TRAPPC9: variants seen among roughly 807,000 people sequenced by gnomAD.
TRAPPC9 encodes the protein trafficking protein particle complex subunit 9.
A neutral mutation model predicts 124.0 loss-of-function variants in TRAPPC9; 83 were observed. The observed-to-expected ratio is 0.67, with a 90% CI of 0.56 to 0.80. The LOEUF (loss-of-function observed/expected upper bound fraction) is 0.80, where lower values mean the gene tolerates loss of function less well. Among genes scored for constraint, TRAPPC9 ranks in the 30% least tolerant of loss-of-function variants. The pLI is 0.00. For missense variants in TRAPPC9, 1,302 were observed against 1,508.3 expected, an observed-to-expected ratio of 0.86 and a Z score of 2.27; for synonymous variants, 638 against 617.5, an observed-to-expected ratio of 1.03 and a Z score of -0.49.
chr8:139,797,532 T>C (rs1046890641), intron 21 of TRAPPC9, among the ~76,000 whole-genome samples: 1 of 152,184 alleles, frequency 6.6e-6, no homozygotes, highest in African/African-American at 2.4e-5. Context: ...AGTGCTGGGA[T>C]TACAGCCATG....
chr8:139,789,761 A>G (rs750749099), intron 21 of TRAPPC9, among the ~76,000 whole-genome samples: 1 of 151,950 alleles, frequency 6.6e-6, no homozygotes, highest in African/African-American at 2.4e-5. Flanking sequence ...GCCAGGTAGG[A>G]GGGAGGTGGT....
chr8:140,259,567 T>C (rs902201064), intron 15 of TRAPPC9, among the ~76,000 whole-genome samples: 4 of 152,360 alleles, frequency 2.6e-5, no homozygotes, highest in East Asian at 1.9e-4. Flanking sequence ...TGGGTCGTCA[T>C]GCAGAATCAA....
rs1050487198 is a variant in TRAPPC9 at position 139,762,111 on chromosome 8, C to A, written c.3056-29909G>T. Among the ~76,000 whole-genome samples the A allele has an allele frequency of 2.0e-5, 3 of 151,618 alleles. No individual in the cohort carries two copies. The South Asian group carries it at 6.2e-4, about 32-fold the overall frequency. ...CTCTGAGCCACCCAGCCCTGCAGCC[C>A]GAGTGAGGGCCTGCCACATGCTCAT... On this transcript the variant is annotated intron_variant, in intron 21 of 22. Transcript: ENST00000438773.
chr8:140,207,049 A>G (rs910708297), intron 17 of TRAPPC9, among the ~76,000 whole-genome samples: 2 of 152,228 alleles, frequency 1.3e-5, no homozygotes, highest in East Asian at 1.9e-4. Context: ...TGATGATGAG[A>G]CTGCACCTGG....
At chr8:139,868,689 C>G (rs868061974) in intron 21 of TRAPPC9, among the ~76,000 whole-genome samples, 2 of 152,202 alleles carry the variant, frequency 1.3e-5, no homozygotes, top group Admixed American at 1.3e-4. Flanking sequence ...ATAACACTAC[C>G]TACTCTGGAG....
At chr8:140,035,644 C>T (rs1049061181) in intron 17 of TRAPPC9, among the ~76,000 whole-genome samples, 4 of 152,134 alleles carry the variant, frequency 2.6e-5, no homozygotes, top group Non-Finnish European at 5.9e-5. Flanking sequence ...AGGTGAGGTA[C>T]GTTGCTCCAG....
intron 14 of TRAPPC9, among the ~76,000 whole-genome samples, chr8:140,280,258 G>A (rs1187804896): frequency 1.3e-5 from 2 of 152,208 alleles, no homozygotes; most frequent in Non-Finnish European, 2.9e-5. Context: ...GGGAAGTCCT[G>A]GTGGCAGGCT....
At chr8:140,194,740 T>C (rs1395577926) in intron 17 of TRAPPC9, among the ~76,000 whole-genome samples, 2 of 152,196 alleles carry the variant, frequency 1.3e-5, no homozygotes, top group African/African-American at 4.8e-5. Context: ...TGAGCATTTG[T>C]ATGCCTACAC....
At chr8:139,772,899 A>T (rs1326952511) in intron 21 of TRAPPC9, among the ~76,000 whole-genome samples, 1 of 152,252 alleles carries the variant, frequency 6.6e-6, no homozygotes, top group East Asian at 1.9e-4. Flanking sequence ...CAGGCCAAGG[A>T]GTGAGGCCTC....
intron 9 of TRAPPC9, among the ~76,000 whole-genome samples, chr8:140,356,620 CTTT>C (rs1184247581): frequency 7.0e-6 from 1 of 141,960 alleles, no homozygotes. Flanking sequence ...AAAGAATGTG[CTTT>C]TTTTTTTTTT....
chr8:140,223,223 A>G (rs1008191454), intron 16 of TRAPPC9, among the ~76,000 whole-genome samples: 28 of 152,014 alleles, frequency 1.8e-4, no homozygotes, highest in Non-Finnish European at 2.9e-4. Context: ...CCCTGTGTCC[A>G]TGTGTTCTCA....
intron 20 of TRAPPC9, among the ~76,000 whole-genome samples, chr8:139,888,809 G>A (rs946437058): frequency 2.6e-5 from 4 of 152,142 alleles, no homozygotes; most frequent in African/African-American, 7.2e-5. Context: ...CTGGAAGTTC[G>A]GATTCTAGCA....
At chr8:139,911,702 C>T (rs1341455597) in intron 19 of TRAPPC9, among the ~76,000 whole-genome samples, 23 of 149,010 alleles carry the variant, frequency 1.5e-4, no homozygotes, top group African/African-American at 4.2e-4. Flanking sequence ...GAGACTCTGT[C>T]TTAAAAGAAA....
At chr8:140,266,632 G>A (rs1267035674) in intron 15 of TRAPPC9, among the ~76,000 whole-genome samples, 1 of 152,102 alleles carries the variant, frequency 6.6e-6, no homozygotes, top group African/African-American at 2.4e-5. Flanking sequence ...GCCAAGGCGG[G>A]TGGATTACGA....
Position 140,105,577 on chromosome 8 carries a change from T to C in TRAPPC9, c.2557-81498A>G, listed in dbSNP as rs73361105. ...CTATCTTTTCACGCTTCCCTCCCTT[T>C]GAGCACCCTGTGGACCTTTCTGGAA... is the stretch of plus-strand genomic sequence containing the variant. On this transcript the variant is annotated intron_variant, in intron 17 of 22. Coordinates refer to ENST00000438773, the MANE Select transcript of TRAPPC9 (RefSeq NM_001160372.4). 9.0e-3 allele frequency among the ~76,000 whole-genome samples: 1,369 copies of C among 152,322 alleles called. 24 individuals are homozygous for C. The highest frequency in any genetic ancestry group is 0.031 in the African/African-American group (1,274 of 41,572).
At chr8:140,162,514 C>T (rs1476062620) in intron 17 of TRAPPC9, among the ~76,000 whole-genome samples, 4 of 152,170 alleles carry the variant, frequency 2.6e-5, no homozygotes, top group African/African-American at 4.8e-5. Context: ...ATAATAGGTG[C>T]TCAGTAAGTA....
intron 19 of TRAPPC9, among the ~76,000 whole-genome samples, chr8:139,955,180 G>A (rs1405162885): frequency 1.3e-5 from 2 of 152,008 alleles, no homozygotes; most frequent in African/African-American, 4.8e-5. Context: ...ACCAGCCATC[G>A]GCACCATCTG....
At position 140,360,040 on chromosome 8, in the gene TRAPPC9, G is replaced by A. The variant is rs965687750; in HGVS notation, c.1495+10C>T. The A allele has an allele frequency of 6.2e-7, 1 of 1,614,110 alleles. No homozygotes were observed. The highest frequency in any genetic ancestry group is 2.2e-5 in the East Asian group (1 of 44,874). ...CTTGAAAAAAAACATTGTGGTTTGA[G>A]CTCACTCACCCTGATCCGACAAGAA... On this transcript the variant is annotated intron_variant, in intron 9 of 22. Transcript: ENST00000438773.
At chr8:139,796,135 A>G (rs1279982576) in intron 21 of TRAPPC9, among the ~76,000 whole-genome samples, 3 of 148,476 alleles carry the variant, frequency 2.0e-5, no homozygotes, top group African/African-American at 7.6e-5. Context: ...GAAGAGGAGA[A>G]GGAGGAGGAA....
Sources: gnomAD v4.1 joint callset for allele counts (sites outside exome capture counted in the v4.1 genomes callset) on GRCh38, gnomAD v4.1.1 for gene constraint, MANE v1.5 for transcripts, NCBI Gene and HGNC (gene_info 2026-07-23, HGNC 2026-07-21) for gene names.